The following FARP1 variants were observed in gnomAD, a reference collection of about 807,000 sequenced individuals.
FARP1 encodes FERM, ARH/RhoGEF and pleckstrin domain protein 1, also known as FERM, ARHGEF and pleckstrin domain-containing protein 1.
Under a neutral mutation model 128.8 loss-of-function variants are expected in FARP1, and 52 were observed. The ratio of observed to expected loss-of-function variants is 0.40; its 90% CI spans 0.32 to 0.51. The LOEUF is 0.51. Ranked by LOEUF, FARP1 falls within the 20% of genes least tolerant of loss-of-function variation. The pLI is 0.45. For synonymous variants in FARP1, 580 were observed against 551.8 expected (o/e 1.05, Z -0.72); for missense variants, 1,333 against 1,367.9 (o/e 0.97, Z 0.40).
At chr13:98,225,217 C>T (rs1019216893) in intron 2 of FARP1, among the ~76,000 whole-genome samples, 1 of 152,136 alleles carries the variant, frequency 6.6e-6, no homozygotes, top group Admixed American at 6.5e-5. Context: ...AGCTGTTAAA[C>T]GGGACGTCTG....
chr13:98,261,888 A>G (rs566064352), intron 2 of FARP1, among the ~76,000 whole-genome samples: 1 of 152,220 alleles, frequency 6.6e-6, no homozygotes, highest in South Asian at 2.1e-4. Context: ...GACACCTCTC[A>G]CTAGGCTCCG....
chr13:98,177,008 G>A, intron 1 of FARP1: 1 of 1,597,392 alleles, frequency 6.3e-7, no homozygotes, highest in Non-Finnish European at 8.5e-7. Flanking sequence ...CTGTCGCCGT[G>A]AGCCGCCTTC....
intron 2 of FARP1, among the ~76,000 whole-genome samples, chr13:98,298,408 C>T: frequency 6.6e-6 from 1 of 152,182 alleles, no homozygotes; most frequent in East Asian, 1.9e-4. Flanking sequence ...AACTTACTAG[C>T]ATAGAAGACA....
At chr13:98,289,520 C>T (rs1465395453) in intron 2 of FARP1, among the ~76,000 whole-genome samples, 1 of 152,188 alleles carries the variant, frequency 6.6e-6, no homozygotes, top group Non-Finnish European at 1.5e-5. Flanking sequence ...TGGTTATCTT[C>T]AGCTGGGCAG....
In FARP1 at chr13:98,278,172, A is replaced by G. The variant is rs914261321; in HGVS notation, c.171+64759A>G. ...TCCAGGGTGTGTGTATGAGTGAGTG[A>G]GTGTGTGTGTGTGTGTGTATGTTCT... On this transcript the variant is annotated intron_variant, in intron 2 of 26. Transcript: ENST00000319562. Among the ~76,000 whole-genome samples the G allele has an allele frequency of 3.3e-5, 5 of 149,966 alleles. No homozygotes were observed. In the East Asian group the frequency reaches 7.8e-4, roughly 24 times the overall value.
intron 1 of FARP1, among the ~76,000 whole-genome samples, chr13:98,210,107 G>C (rs114300097): frequency 0.018 from 2,676 of 152,162 alleles, 35 homozygotes; most frequent in Non-Finnish European, 0.028. Flanking sequence ...AGGGGGAATA[G>C]TTGGTGGGGT....
intron 1 of FARP1, among the ~76,000 whole-genome samples, chr13:98,143,735 C>T (rs1173422431): frequency 6.6e-6 from 1 of 151,634 alleles, no homozygotes; most frequent in Non-Finnish European, 1.5e-5. Context: ...CCCCCTGCGC[C>T]CCTCTCCCCT....
chr13:98,290,077 G>C (rs1395652208), intron 2 of FARP1, among the ~76,000 whole-genome samples: 1 of 147,196 alleles, frequency 6.8e-6, no homozygotes, highest in Non-Finnish European at 1.5e-5. Context: ...TTTTGGTGTT[G>C]GGTGGCGAGG....
At chr13:98,405,806 G>A (rs1200008415) in intron 13 of FARP1, 1 of 152,140 alleles carries the variant, frequency 6.6e-6, no homozygotes, top group Admixed American at 6.5e-5. Flanking sequence ...TTGTCATAAA[G>A]GGAGAAGTGC....
At position 98,444,123 on chromosome 13, in the gene FARP1, G is replaced by A. The variant is rs143134586; in HGVS notation, c.2797-1975G>A. Among the ~76,000 whole-genome samples, 271 of 152,038 alleles carry A rather than the reference G, an allele frequency of 1.8e-3. 1 individual carries two copies. The highest frequency in any genetic ancestry group is 6.1e-3 in the African/African-American group (253 of 41,470). On this transcript the variant is annotated intron_variant, in intron 24 of 26. Coordinates refer to ENST00000319562, the MANE Select transcript of FARP1 (RefSeq NM_005766.4). ...GCAGTCTTCTTCTCGGGGGGTCCCC[G>A]ACTCCACCCATGTTGCAGGGCTCCG...
chr13:98,162,222 G>A (rs1181520659), intron 1 of FARP1, among the ~76,000 whole-genome samples: 1 of 152,172 alleles, frequency 6.6e-6, no homozygotes, highest in African/African-American at 2.4e-5. Context: ...AGTCTTAAGT[G>A]TCAGGGGAGA....
chr13:98,359,529 C>T (rs1174970150), intron 3 of FARP1, among the ~76,000 whole-genome samples: 1 of 152,184 alleles, frequency 6.6e-6, no homozygotes, highest in Non-Finnish European at 1.5e-5. Flanking sequence ...GATACGTTGG[C>T]CTTAGTATCT....
At chr13:98,245,401 G>T in intron 2 of FARP1, 3 of 964,236 alleles carry the variant, frequency 3.1e-6, no homozygotes, top group Non-Finnish European at 3.7e-6. Context: ...CAGCTCCCAT[G>T]TTCAGTGTTT....
Position 98,193,874 on chromosome 13 carries a change from C to T in FARP1, c.-23-19346C>T, listed in dbSNP as rs112998040. ...GCTTCTAGTGATCCTTGCTTCATTT[C>T]CTGAGTCCTTTTATTTATAACAGTC... On this transcript the variant is annotated intron_variant, in intron 1 of 26. Coordinates refer to ENST00000319562, the MANE Select transcript of FARP1 (RefSeq NM_005766.4). Among the ~76,000 whole-genome samples, 555 of 152,240 alleles carry T rather than the reference C, an allele frequency of 3.6e-3. 5 individuals are homozygous for T. The highest frequency in any genetic ancestry group is 0.012 in the African/African-American group (512 of 41,538).
chr13:98,142,861 G>A (rs1446587828), upstream of FARP1: 3 of 152,002 alleles, frequency 2.0e-5, no homozygotes, highest in Non-Finnish European at 4.4e-5. Context: ...CGCGGAGCCC[G>A]GCCCTGGCCG....
intron 25 of FARP1, 33 bp from the exon 26 acceptor site, chr13:98,446,633 G>A (rs552093644): frequency 1.4e-4 from 225 of 1,610,542 alleles, no homozygotes; most frequent in Middle Eastern, 3.3e-4. Context: ...AGCTGACCCC[G>A]AAAAGCCACT....
intron 2 of FARP1, among the ~76,000 whole-genome samples, chr13:98,233,039 G>GC (rs777321318): frequency 6.6e-6 from 1 of 152,180 alleles, no homozygotes; most frequent in Non-Finnish European, 1.5e-5. Context: ...GCGAGCACTT[G>GC]CCTGGGGGTA....
intron 1 of FARP1, among the ~76,000 whole-genome samples, chr13:98,207,908 C>CCACACACACACACACACACACACACA (rs71111934): frequency 5.6e-5 from 4 of 71,610 alleles, no homozygotes; most frequent in African/African-American, 1.2e-4. Flanking sequence ...ACCACCACCT[C>CCACACACACACACACACACACACACA]CACACACACA....
At chr13:98,395,116 G>A (rs1248826782) in intron 12 of FARP1, 111 bp from the exon 13 acceptor site, 15 of 1,315,324 alleles carry the variant, frequency 1.1e-5, no homozygotes, top group Admixed American at 2.5e-5. Flanking sequence ...CAGTTCTCCC[G>A]CCGCAGAGGC....
Sources: gnomAD v4.1 joint callset for allele counts (sites outside exome capture counted in the v4.1 genomes callset) on GRCh38, gnomAD v4.1.1 for gene constraint, MANE v1.5 for transcripts, NCBI Gene and HGNC (gene_info 2026-07-23, HGNC 2026-07-21) for gene names.